The following DACH2 variants were observed in gnomAD, a reference collection of about 807,000 sequenced individuals.
DACH2 encodes dachshund family transcription factor 2.
DACH2 carries 17 observed loss-of-function variants against 35.8 expected under a neutral mutation model. That is an observed-to-expected ratio of 0.48 (90% CI 0.33 to 0.71). DACH2 has a LOEUF of 0.71. Ranked by LOEUF, DACH2 falls within the 30% of genes least tolerant of loss-of-function variation. The probability of loss-of-function intolerance (pLI) is 0.02; values close to 1 mark genes in which losing one functional copy is unlikely to be tolerated. For missense variants in DACH2, 469 were observed against 472.7 expected (o/e 0.99, Z 0.07); for synonymous variants, 195 against 177.3 (o/e 1.10, Z -0.79).
chrX:86,244,835 G>T (rs1452681448), intron 1 of DACH2, among the ~76,000 whole-genome samples: 2 of 112,221 alleles, frequency 1.8e-5, no homozygotes, highest in Non-Finnish European at 3.8e-5. Flanking sequence ...GGGATAAAGA[G>T]ATTGCCACTA....
At chrX:86,240,308 T>C (rs2033137219) in intron 1 of DACH2, among the ~76,000 whole-genome samples, 1 of 110,965 alleles carries the variant, frequency 9.0e-6, no homozygotes, top group Admixed American at 9.6e-5. Flanking sequence ...AGAATCTGGA[T>C]TTTGAAAGCC....
At chrX:86,443,696 A>C (rs1361459914) in intron 2 of DACH2, among the ~76,000 whole-genome samples, 4 of 111,008 alleles carry the variant, frequency 3.6e-5, no homozygotes, top group African/African-American at 1.3e-4. Context: ...TTGTAATCCT[A>C]GTGTGTTTGG....
intron 2 of DACH2, among the ~76,000 whole-genome samples, chrX:86,433,341 T>C (rs1359892459): frequency 8.9e-6 from 1 of 111,868 alleles, no homozygotes; most frequent in Non-Finnish European, 1.9e-5. Flanking sequence ...GTTAAATATG[T>C]AAAGCTAACA....
chrX:86,232,522 A>G (rs2032970942), intron 1 of DACH2, among the ~76,000 whole-genome samples: 2 of 112,313 alleles, frequency 1.8e-5, no homozygotes, highest in South Asian at 7.3e-4. Context: ...ACTGCATTAA[A>G]AAGAGGGCAA....
intron 3 of DACH2, among the ~76,000 whole-genome samples, chrX:86,606,732 A>G (rs2039863752): frequency 9.0e-6 from 1 of 111,476 alleles, no homozygotes; most frequent in Admixed American, 9.5e-5. Context: ...GTGCAGATTA[A>G]AACTGATGTT....
At chrX:86,395,877 A>T (rs1268424715) in intron 2 of DACH2, among the ~76,000 whole-genome samples, 1 of 111,624 alleles carries the variant, frequency 9.0e-6, no homozygotes, top group Non-Finnish European at 1.9e-5. Context: ...TAGCAGCATG[A>T]TTTATAATCC....
chrX:86,332,738 ATTTC>A (rs1414537010), intron 1 of DACH2, among the ~76,000 whole-genome samples: 14 of 111,717 alleles, frequency 1.3e-4, no homozygotes, highest in African/African-American at 4.5e-4. Context: ...AATTCTGAAT[ATTTC>A]TTTGTCTTTT....
chrX:86,282,710 A>T (rs2034057651), intron 1 of DACH2, among the ~76,000 whole-genome samples: 1 of 107,055 alleles, frequency 9.3e-6, no homozygotes, highest in Admixed American at 1.0e-4. Flanking sequence ...GAACTTAAAC[A>T]AATTTACAAG....
intron 1 of DACH2, among the ~76,000 whole-genome samples, chrX:86,325,373 G>GA: frequency 9.0e-6 from 1 of 110,841 alleles, no homozygotes; most frequent in Non-Finnish European, 1.9e-5. Flanking sequence ...AGAGAGAGAG[G>GA]AAAAAGTTTT....
intron 2 of DACH2, among the ~76,000 whole-genome samples, chrX:86,423,553 C>T (rs943216913): frequency 1.8e-5 from 2 of 108,704 alleles, no homozygotes; most frequent in African/African-American, 6.7e-5. Flanking sequence ...GTTTGAGCTC[C>T]TTATATATTC....
chrX:86,529,469 G>T (rs1044827595), intron 3 of DACH2, among the ~76,000 whole-genome samples: 2 of 94,215 alleles, frequency 2.1e-5, no homozygotes, highest in Admixed American at 1.2e-4. Flanking sequence ...ACCCCCATGT[G>T]ATCAACATTT....
rs192056181 is a variant in DACH2 at position 86,788,802 on chromosome X, C to G, written c.1241-24054C>G. Among the ~76,000 whole-genome samples, 6 of 19,822 alleles carry G rather than the reference C, an allele frequency of 3.0e-4. No homozygotes were observed. In the Admixed American group the frequency reaches 5.0e-3, roughly 16 times the overall value. The allele number at this position is 19,822 out of a possible 115,157, so 17.2% of individuals were successfully genotyped here. ...ACACATTTAAGTCACTGGAAACTCA[C>G]TTTAAGTTTCTCTTTTTTTAACCTC... is the stretch of plus-strand genomic sequence containing the variant. On this transcript the variant is annotated intron_variant, in intron 7 of 11. Transcript: ENST00000373125.
chrX:86,514,777 A>G (rs756010271), intron 3 of DACH2, among the ~76,000 whole-genome samples: 2 of 111,368 alleles, frequency 1.8e-5, no homozygotes, highest in South Asian at 7.6e-4. Context: ...GGTTCTGGGC[A>G]TTCATGTATG....
At chrX:86,219,878 G>A (rs184858385) in intron 1 of DACH2, among the ~76,000 whole-genome samples, 8 of 108,417 alleles carry the variant, frequency 7.4e-5, no homozygotes, top group Non-Finnish European at 1.3e-4. Context: ...TCTCCTGGCC[G>A]GGAGCGGTGG....
chrX:86,568,214 T>G (rs2148329677), intron 3 of DACH2, among the ~76,000 whole-genome samples: 1 of 111,448 alleles, frequency 9.0e-6, no homozygotes, highest in African/African-American at 3.3e-5. Context: ...TAATTGTGGA[T>G]AAATGTCATT....
intron 1 of DACH2, among the ~76,000 whole-genome samples, chrX:86,219,260 T>A (rs1366601025): frequency 5.4e-5 from 6 of 111,996 alleles, no homozygotes; most frequent in Non-Finnish European, 1.1e-4. Context: ...ATGAAATTTT[T>A]TTTTTCTATT....
intron 2 of DACH2, among the ~76,000 whole-genome samples, chrX:86,463,448 G>C (rs1011102931): frequency 9.0e-6 from 1 of 110,565 alleles, no homozygotes; most frequent in African/African-American, 3.3e-5. Flanking sequence ...TTAATAAATG[G>C]TGCTGGAAAA....
At position 86,695,135 on chromosome X, in the gene DACH2, C is replaced by T. The variant is rs766301515; in HGVS notation, c.887C>T (p.Ala296Val). 7 of 1,124,724 alleles carry T rather than the reference C, an allele frequency of 6.2e-6. No individual in the cohort carries two copies. Among genetic ancestry groups the T allele is most frequent in the Non-Finnish European group, 8.2e-6 (7 of 851,219 alleles). The allele number at this position is 1,124,724 out of a possible 1,213,427, so 92.7% of individuals were successfully genotyped here. A position where few individuals can be genotyped will look rare whatever the true frequency, so the allele number is the denominator to read the frequency against. Residue 296 changes from alanine (A) to valine (V), a missense_variant, in exon 5 of 12, where the codon GCT (alanine) becomes GTT (valine). Around this residue, in one of 3 missense-constraint regions of DACH2, gnomAD observed 363 missense variants for 334.4 expected, o/e 1.09. Transcript: ENST00000373125. ...GCTGGCCAGCCAGGCATTGGGGGTGCTCCAACCCTCAATCCACTGCAGCAG... is the reference window on the plus strand; with the variant it reads ...GCTGGCCAGCCAGGCATTGGGGGTGTTCCAACCCTCAATCCACTGCAGCAG... ...ALAGQPGIGG[A>V]PTLNPLQQNH...
chrX:86,627,784 T>G (rs2040154939), intron 3 of DACH2, among the ~76,000 whole-genome samples: 1 of 112,564 alleles, frequency 8.9e-6, no homozygotes, highest in Non-Finnish European at 1.9e-5. Flanking sequence ...TATATCATAT[T>G]GCTTTGCTTT....
Sources: gnomAD v4.1 joint callset for allele counts (sites outside exome capture counted in the v4.1 genomes callset) on GRCh38, gnomAD v4.1.1 for gene constraint, gnomAD v4.1.1 regional missense constraint, MANE v1.5 for transcripts, NCBI Gene and HGNC (gene_info 2026-07-23, HGNC 2026-07-21) for gene names.